TMEM123: variants seen among roughly 807,000 people sequenced by gnomAD.
TMEM123 encodes the protein transmembrane protein 123, also known as porimin.
In TMEM123, 16 loss-of-function variants were observed where a neutral mutation model predicts 19.7. The ratio of observed to expected loss-of-function variants is 0.81; its 90% confidence interval spans 0.55 to 1.23. TMEM123 has a LOEUF of 1.23. TMEM123 is among the 50% of genes most tolerant of loss of function. The pLI, the probability that TMEM123 is intolerant of heterozygous loss-of-function variation, is 0.00. For synonymous variants in TMEM123, 118 were observed against 99.4 expected, an observed-to-expected ratio of 1.19 and a Z score of -1.12; for missense variants, 313 against 257.8, an observed-to-expected ratio of 1.21 and a Z score of -1.47.
intron 2 of TMEM123, among the ~76,000 whole-genome samples, chr11:102,410,974 A>G (rs970501332): frequency 6.6e-6 from 1 of 152,134 alleles, no homozygotes; most frequent in Non-Finnish European, 1.5e-5. Context: ...AATACAAAAT[A>G]TATTTGGTCT....
chr11:102,446,171 T>C lies in TMEM123; in HGVS notation c.157+2641A>G, dbSNP rs117284798. Among the ~76,000 whole-genome samples, 46 of 152,322 alleles carry C rather than the reference T, an allele frequency of 3.0e-4. 2 individuals carry two copies. In the East Asian group the frequency reaches 7.9e-3, roughly 26 times the overall value. Reference sequence around the variant, plus strand: ...ATGCCACATTTCCTTACATCCTTGCTCAAACCCATTATGAAAAATAATCTG... The same window carrying C: ...ATGCCACATTTCCTTACATCCTTGCCCAAACCCATTATGAAAAATAATCTG... On this transcript the variant is annotated intron_variant, in intron 2 of 4. Transcript: ENST00000398136.
At chr11:102,428,666 A>G (rs780201336) in intron 2 of TMEM123, among the ~76,000 whole-genome samples, 5 of 152,148 alleles carry the variant, frequency 3.3e-5, no homozygotes, top group Non-Finnish European at 7.3e-5. Flanking sequence ...ACTTTATCCC[A>G]TATCACAAAT....
intron 2 of TMEM123, among the ~76,000 whole-genome samples, chr11:102,441,573 T>C (rs566257926): frequency 2.6e-5 from 4 of 152,248 alleles, no homozygotes; most frequent in African/African-American, 9.6e-5. Context: ...TAGCACTAAA[T>C]GCCCACAAGA....
intron 2 of TMEM123, among the ~76,000 whole-genome samples, chr11:102,432,135 A>G (rs1265429902): frequency 2.6e-5 from 4 of 152,214 alleles, no homozygotes; most frequent in Non-Finnish European, 4.4e-5. Context: ...AAAATGTGGA[A>G]GCGACTTTGG....
At chr11:102,405,203 C>G (rs1046826805) in intron 2 of TMEM123, among the ~76,000 whole-genome samples, 1 of 151,996 alleles carries the variant, frequency 6.6e-6, no homozygotes, top group Non-Finnish European at 1.5e-5. Context: ...CGCCCACCAC[C>G]ACGCCTGGCT....
intron 2 of TMEM123, among the ~76,000 whole-genome samples, chr11:102,433,456 G>T (rs1858451206): frequency 6.6e-6 from 1 of 151,950 alleles, no homozygotes; most frequent in Non-Finnish European, 1.5e-5. Flanking sequence ...TGGAACAGGT[G>T]TATTTACCCA....
rs1434003032 is a variant in TMEM123, at chr11:102,397,019, T to G, written c.*1848A>C. On this transcript the variant is annotated 3_prime_UTR_variant, in exon 5 of 5. Transcript: ENST00000398136. ...ATCTTAACTACATTTTGCAAAGAAATGAAGCAATGGTTGCACAACCAGTCA... is the reference window on the plus strand; with the variant it reads ...ATCTTAACTACATTTTGCAAAGAAAGGAAGCAATGGTTGCACAACCAGTCA... 1.3e-5 allele frequency: 2 copies of G among 152,124 alleles called. No individual in the cohort carries two copies. Among genetic ancestry groups the G allele is most frequent in the Admixed American group, 1.3e-4 (2 of 15,282 alleles). The allele number at this position is 152,124 out of a possible 1,614,324, so 9.4% of individuals were successfully genotyped here. A position where few individuals can be genotyped will look rare whatever the true frequency, so the allele number is the denominator to read the frequency against.
chr11:102,401,848 A>G (rs1353033785), intron 3 of TMEM123, 68 bp downstream of exon 3: 2 of 1,558,162 alleles, frequency 1.3e-6, no homozygotes, highest in East Asian at 4.5e-5. Flanking sequence ...GCCAGACAGA[A>G]TAATGACTTA....
chr11:102,418,865 G>A (rs762782910), intron 2 of TMEM123, among the ~76,000 whole-genome samples: 1 of 152,138 alleles, frequency 6.6e-6, no homozygotes, highest in Non-Finnish European at 1.5e-5. Context: ...GCAGCAACAC[G>A]GATGCAGCTG....
chr11:102,439,647 C>G (rs1379655175), intron 2 of TMEM123, among the ~76,000 whole-genome samples: 1 of 152,206 alleles, frequency 6.6e-6, no homozygotes, highest in African/African-American at 2.4e-5. Context: ...TCTTCTCCTC[C>G]AAAGGAATGC....
intron 1 of TMEM123, 160 bp from the exon 2 acceptor site, chr11:102,449,028 T>C: frequency 1.5e-6 from 1 of 658,856 alleles, no homozygotes; most frequent in East Asian, 2.7e-5. Flanking sequence ...GAAACATATC[T>C]TGAAGCTGTC....
At chr11:102,399,820 AT>A (rs1032591194) in intron 4 of TMEM123, among the ~76,000 whole-genome samples, 3 of 152,280 alleles carry the variant, frequency 2.0e-5, no homozygotes, top group African/African-American at 2.4e-5. Flanking sequence ...AAATACAAAA[AT>A]TAGCTGGGCG....
intron 2 of TMEM123, among the ~76,000 whole-genome samples, chr11:102,422,720 T>G (rs1208112829): frequency 6.6e-6 from 1 of 152,256 alleles, no homozygotes; most frequent in East Asian, 1.9e-4. Flanking sequence ...AATAGCATCA[T>G]GCAAAATGTA....
chr11:102,435,022 A>G lies in TMEM123; in HGVS notation c.157+13790T>C, dbSNP rs188040645. Among the ~76,000 whole-genome samples the G allele has an allele frequency of 3.1e-3, 468 of 151,992 alleles. 14 individuals carry two copies. The highest frequency in any genetic ancestry group is 5.2e-3 in the Non-Finnish European group (352 of 67,876). On this transcript the variant is annotated intron_variant, in intron 2 of 4. Coordinates refer to ENST00000398136, the MANE Select transcript of TMEM123 (RefSeq NM_052932.3). The stretch of plus-strand genomic sequence containing the variant: ...GTGGAAGTACATTGAATAATTATTT[A>G]AAAATATATACTTTGCTTCCAGAAT...
chr11:102,421,170 T>C (rs1952083018), intron 2 of TMEM123, among the ~76,000 whole-genome samples: 1 of 152,234 alleles, frequency 6.6e-6, no homozygotes, highest in African/African-American at 2.4e-5. Context: ...TACCAAATAC[T>C]CTTGATATGC....
chr11:102,403,400 C>CCT (rs1951929470), intron 2 of TMEM123, among the ~76,000 whole-genome samples: 1 of 152,202 alleles, frequency 6.6e-6, no homozygotes, highest in Non-Finnish European at 1.5e-5. Flanking sequence ...TAACCAGAAG[C>CCT]AAACCTTTCT....
intron 2 of TMEM123, among the ~76,000 whole-genome samples, chr11:102,411,650 C>A (rs1952005679): frequency 1.3e-5 from 2 of 151,030 alleles, no homozygotes; most frequent in South Asian, 4.2e-4. Flanking sequence ...GATTGTAGGA[C>A]ACTCAGCTGA....
chr11:102,438,876 G>A (rs1002345756), intron 2 of TMEM123, among the ~76,000 whole-genome samples: 2 of 152,152 alleles, frequency 1.3e-5, no homozygotes, highest in African/African-American at 4.8e-5. Context: ...AGAAAATCGG[G>A]ACACTCCCAC....
At chr11:102,428,782 G>A (rs2135856430) in intron 2 of TMEM123, among the ~76,000 whole-genome samples, 1 of 152,280 alleles carries the variant, frequency 6.6e-6, no homozygotes, top group East Asian at 1.9e-4. Flanking sequence ...TTTTGCTGCA[G>A]CTCATCAAGA....
Sources: allele counts gnomAD v4.1 joint callset (sites outside exome capture counted in the v4.1 genomes callset), GRCh38; gene constraint gnomAD v4.1.1; transcripts MANE v1.5; gene names NCBI Gene and HGNC (gene_info 2026-07-23, HGNC 2026-07-21).